Variants in ERC2 observed in about 807,000 individuals in gnomAD.
ERC2 encodes ERC protein 2.
A neutral mutation model predicts 114.8 loss-of-function variants in ERC2; 42 were observed. The observed-to-expected ratio is 0.37, with a 90% CI of 0.29 to 0.47. The LOEUF is 0.47. Among genes scored for constraint, ERC2 ranks in the 20% least tolerant of loss-of-function variants. The pLI, the probability that ERC2 is intolerant of heterozygous loss-of-function variation, is 0.99. For missense variants in ERC2, 939 were observed against 1,150.7 expected, an observed-to-expected ratio of 0.82 and a Z score of 2.66; for synonymous variants, 454 against 425.5, an observed-to-expected ratio of 1.07 and a Z score of -0.82.
chr3:55,610,506 A>AACACACACAC (rs1162337654), intron 17 of ERC2: 5,567 of 137,214 alleles, frequency 0.041, 143 homozygotes, highest in South Asian at 0.064. Flanking sequence ...TCTACGGAAA[A>AACACACACAC]ACACACACAC....
chr3:55,747,201 T>C (rs1465643235), intron 14 of ERC2, among the ~76,000 whole-genome samples: 1 of 152,252 alleles, frequency 6.6e-6, no homozygotes, highest in Non-Finnish European at 1.5e-5. Context: ...TTTCATTCTT[T>C]GACTAAAGTC....
intron 17 of ERC2, among the ~76,000 whole-genome samples, chr3:55,527,424 TCTAGACTTGGG>T (rs1396555212): frequency 6.6e-6 from 1 of 152,116 alleles, no homozygotes; most frequent in East Asian, 1.9e-4. Flanking sequence ...ATTTGCCAGC[TCTAGACTTGGG>T]GGAAAAGGAT....
At chr3:55,827,133 C>T (rs576319310) in intron 14 of ERC2, among the ~76,000 whole-genome samples, 5 of 152,222 alleles carry the variant, frequency 3.3e-5, no homozygotes, top group African/African-American at 1.2e-4. Flanking sequence ...AGCATTCTTT[C>T]GGTATTCCTG....
chr3:56,331,307 C>T (rs954164976), intron 2 of ERC2, among the ~76,000 whole-genome samples: 1 of 152,132 alleles, frequency 6.6e-6, no homozygotes, highest in Non-Finnish European at 1.5e-5. Context: ...TTAGTAAGAA[C>T]CCCCTACTCT....
chr3:55,776,687 G>A (rs2068648007), intron 14 of ERC2, among the ~76,000 whole-genome samples: 1 of 152,180 alleles, frequency 6.6e-6, no homozygotes, highest in Non-Finnish European at 1.5e-5. Context: ...GAGATTGGGA[G>A]CTGGAGCTGG....
At chr3:55,595,786 G>A (rs928274666) in intron 17 of ERC2, among the ~76,000 whole-genome samples, 3 of 152,160 alleles carry the variant, frequency 2.0e-5, no homozygotes, top group Non-Finnish European at 4.4e-5. Flanking sequence ...ATCTTTGCTT[G>A]GAAGCCGCCA....
At chr3:55,957,912 G>T (rs1041890703) in intron 12 of ERC2, among the ~76,000 whole-genome samples, 1 of 152,214 alleles carries the variant, frequency 6.6e-6, no homozygotes, top group Non-Finnish European at 1.5e-5. Flanking sequence ...CCTAGGTCTG[G>T]GCTTCCCAAA....
At chr3:55,644,821 G>C (rs2060324423) in intron 17 of ERC2, among the ~76,000 whole-genome samples, 1 of 151,860 alleles carries the variant, frequency 6.6e-6, no homozygotes. Flanking sequence ...ATTTTCTGGG[G>C]AGAGAGTCCT....
intron 13 of ERC2, among the ~76,000 whole-genome samples, chr3:55,929,913 C>A (rs528247056): frequency 6.6e-6 from 1 of 152,282 alleles, no homozygotes; most frequent in South Asian, 2.1e-4. Context: ...GCCTGTGGAA[C>A]TGTGAGGCAA....
intron 2 of ERC2, among the ~76,000 whole-genome samples, chr3:56,349,934 GA>G (rs1200759587): frequency 6.7e-6 from 1 of 150,142 alleles, no homozygotes; most frequent in African/African-American, 2.4e-5. Context: ...AAGAAAAAAA[GA>G]AAAACTACCT....
chr3:56,386,891 C>T (rs527379371), intron 2 of ERC2, among the ~76,000 whole-genome samples: 1 of 152,300 alleles, frequency 6.6e-6, no homozygotes, highest in African/African-American at 2.4e-5. Context: ...GAAACTCTTT[C>T]ATTCCATATG....
chr3:55,819,760 A>G (rs1394308354), intron 14 of ERC2, among the ~76,000 whole-genome samples: 1 of 152,226 alleles, frequency 6.6e-6, no homozygotes, highest in Non-Finnish European at 1.5e-5. Flanking sequence ...ACCAGACTCC[A>G]TGGCCATGCA....
intron 10 of ERC2, among the ~76,000 whole-genome samples, chr3:55,998,226 ATG>A (rs1195608864): frequency 6.6e-6 from 1 of 151,892 alleles, no homozygotes; most frequent in Non-Finnish European, 1.5e-5. Context: ...AAATATTCTT[ATG>A]TCTCTCTCTC....
intron 3 of ERC2, among the ~76,000 whole-genome samples, chr3:56,224,024 G>C (rs897956086): frequency 1.1e-4 from 16 of 152,162 alleles, no homozygotes; most frequent in African/African-American, 3.6e-4. Flanking sequence ...TCCACCATCT[G>C]TCAATTAGTT....
rs749739992 is a variant in ERC2, at chr3:55,734,798, G to C, written c.2685C>G (p.Asp895Glu). The C allele has an allele frequency of 3.7e-6, 6 of 1,612,982 alleles. No individual in the cohort carries two copies. Among genetic ancestry groups the C allele is most frequent in the Non-Finnish European group, 5.1e-6 (6 of 1,179,436 alleles). The change falls in exon 15 of 18, where the codon GAC (aspartate) becomes GAG (glutamate). Residue 895 changes from aspartate (D) to glutamate (E), a missense_variant. Asp to Glu is a conservative substitution (Grantham distance 45). Transcript: ENST00000288221. ...GCTGCTTTAATTGATGTACTAGTCG[G>C]TCTTTTTCCCGCTTGAGGGCCATGA... The part of the protein sequence containing the change: ...EEVMALKREK[D>E]RLVHQLKQQT...
At chr3:55,545,761 G>A (rs554314454) in intron 17 of ERC2, among the ~76,000 whole-genome samples, 2 of 152,280 alleles carry the variant, frequency 1.3e-5, no homozygotes, top group African/African-American at 2.4e-5. Context: ...CATAGTTGCT[G>A]TGCCAGGGGG....
intron 8 of ERC2, among the ~76,000 whole-genome samples, chr3:56,014,054 C>T (rs1026628344): frequency 6.6e-6 from 1 of 152,054 alleles, no homozygotes; most frequent in Non-Finnish European, 1.5e-5. Context: ...AAAAAATTCC[C>T]TCCACATCCA....
At chr3:55,735,979 A>G (rs1031866687) in intron 14 of ERC2, among the ~76,000 whole-genome samples, 1 of 152,184 alleles carries the variant, frequency 6.6e-6, no homozygotes, top group Non-Finnish European at 1.5e-5. Context: ...TTCTCTATCC[A>G]GAGCCAATCC....
At chr3:56,087,979 C>T (rs1413744382) in intron 6 of ERC2, among the ~76,000 whole-genome samples, 1 of 152,114 alleles carries the variant, frequency 6.6e-6, no homozygotes, top group Non-Finnish European at 1.5e-5. Context: ...CACTCACATC[C>T]AACTCTCCTT....
Sources: allele counts gnomAD v4.1 joint callset (sites outside exome capture counted in the v4.1 genomes callset), GRCh38; gene constraint gnomAD v4.1.1; transcripts MANE v1.5; gene names NCBI Gene and HGNC (gene_info 2026-07-23, HGNC 2026-07-21).